Variants in PTPN14 observed in about 807,000 individuals in gnomAD.
PTPN14 encodes the protein protein tyrosine phosphatase non-receptor type 14.
A neutral mutation model predicts 126.8 loss-of-function variants in PTPN14; 53 were observed. The observed-to-expected ratio is 0.42, with a 90% CI of 0.34 to 0.53. The LOEUF (loss-of-function observed/expected upper bound fraction) is 0.53. Among genes scored for constraint, PTPN14 ranks in the 20% least tolerant of loss-of-function variants. The probability of loss-of-function intolerance (pLI) is 0.08; values close to 1 mark genes in which losing one functional copy is unlikely to be tolerated. For synonymous variants in PTPN14, 630 were observed against 599.3 expected (o/e 1.05, Z -0.75); for missense variants, 1,257 against 1,552.9 (o/e 0.81, Z 3.20).
intron 1 of PTPN14, among the ~76,000 whole-genome samples, chr1:214,466,414 C>T (rs1348042935): frequency 1.3e-5 from 2 of 152,044 alleles, no homozygotes; most frequent in African/African-American, 4.8e-5. Flanking sequence ...AATCTTGATG[C>T]AAAAGTCCTG....
chr1:214,502,484 CA>C (rs1294939684), intron 1 of PTPN14, among the ~76,000 whole-genome samples: 1 of 152,134 alleles, frequency 6.6e-6, no homozygotes, highest in African/African-American at 2.4e-5. Flanking sequence ...CAACACACAG[CA>C]GGTCTTGAAA....
At chr1:214,542,931 T>G (rs1486960320) in intron 1 of PTPN14, among the ~76,000 whole-genome samples, 1 of 152,116 alleles carries the variant, frequency 6.6e-6, no homozygotes, top group Non-Finnish European at 1.5e-5. Context: ...CCCGTTGACT[T>G]AGGAGCTAAA....
At chr1:214,533,832 G>A (rs1404817802) in intron 1 of PTPN14, among the ~76,000 whole-genome samples, 7 of 134,564 alleles carry the variant, frequency 5.2e-5, no homozygotes. Flanking sequence ...GTGAGACTCC[G>A]TCTCAAAAAA....
At chr1:214,440,534 G>A (rs768096743) in intron 3 of PTPN14, among the ~76,000 whole-genome samples, 1 of 152,172 alleles carries the variant, frequency 6.6e-6, no homozygotes, top group East Asian at 1.9e-4. Context: ...CTAGCCCTCC[G>A]GAGTGATCTT....
At chr1:214,543,356 C>G (rs1655889040) in intron 1 of PTPN14, among the ~76,000 whole-genome samples, 2 of 151,874 alleles carry the variant, frequency 1.3e-5, no homozygotes, top group East Asian at 3.9e-4. Context: ...TTTAAGTATC[C>G]AAGTATAGCA....
intron 3 of PTPN14, among the ~76,000 whole-genome samples, chr1:214,448,121 A>G (rs1660185889): frequency 6.6e-6 from 1 of 152,226 alleles, no homozygotes; most frequent in Non-Finnish European, 1.5e-5. Context: ...CAAACAATGC[A>G]GCATTAAGTT....
At chr1:214,549,875 TTC>T (rs1305812520) in intron 1 of PTPN14, among the ~76,000 whole-genome samples, 1 of 152,190 alleles carries the variant, frequency 6.6e-6, no homozygotes, top group African/African-American at 2.4e-5. Flanking sequence ...CTAGATTTAT[TTC>T]TGATATTGGG....
intron 1 of PTPN14, among the ~76,000 whole-genome samples, chr1:214,490,908 G>A (rs1381349157): frequency 0.054 from 895 of 16,540 alleles, 138 homozygotes; most frequent in African/African-American, 0.18. Context: ...GGAAGGGGAA[G>A]GAAGGGAAGG....
chr1:214,405,283 C>T (rs1429123730), intron 5 of PTPN14, among the ~76,000 whole-genome samples: 6 of 152,286 alleles, frequency 3.9e-5, no homozygotes, highest in Admixed American at 2.0e-4. Flanking sequence ...TGTCTCTTCT[C>T]GTATTCTGCC....
chr1:214,403,389 A>G (rs1349764045), intron 5 of PTPN14, among the ~76,000 whole-genome samples: 1 of 152,318 alleles, frequency 6.6e-6, no homozygotes, highest in Non-Finnish European at 1.5e-5. Context: ...TCTGTATACC[A>G]GGAAACGAAT....
chr1:214,407,767 C>G (rs1005442066), intron 5 of PTPN14, among the ~76,000 whole-genome samples: 1 of 152,160 alleles, frequency 6.6e-6, no homozygotes, highest in Non-Finnish European at 1.5e-5. Context: ...TCTTGTTTTT[C>G]TTTCACTAAC....
At position 214,383,158 on chromosome 1, in the gene PTPN14, A is replaced by C. The variant is rs1366793194; in HGVS notation, c.2544+153T>G. Among the ~76,000 whole-genome samples the C allele has an allele frequency of 1.3e-5, 2 of 152,224 alleles. No homozygotes were observed. The highest frequency in any genetic ancestry group is 2.9e-5 in the Non-Finnish European group (2 of 68,038). ...GGAAGATTTATCTGAAAGGGCAAAA[A>C]CTCAACATTTTGTGTAATAAAGTAC... On this transcript the variant is annotated intron_variant, in intron 13 of 18. Coordinates refer to ENST00000366956, the MANE Select transcript of PTPN14 (RefSeq NM_005401.5). This position sits in a 1 kb window ranked among gnomAD's most constrained non-coding sequence, Gnocchi z 4.4.
At chr1:214,430,161 C>T (rs1659766453) in intron 3 of PTPN14, among the ~76,000 whole-genome samples, 1 of 152,222 alleles carries the variant, frequency 6.6e-6, no homozygotes, top group Non-Finnish European at 1.5e-5. Flanking sequence ...TTCCTCCCCT[C>T]TTACATAATT....
chr1:214,486,610 G>T (rs914080933), intron 1 of PTPN14, among the ~76,000 whole-genome samples: 27 of 152,070 alleles, frequency 1.8e-4, no homozygotes, highest in African/African-American at 6.5e-4. Context: ...ACTACCCAGG[G>T]CCCAGAACAA....
At chr1:214,488,316 G>C (rs1409392086) in intron 1 of PTPN14, among the ~76,000 whole-genome samples, 1 of 152,054 alleles carries the variant, frequency 6.6e-6, no homozygotes, top group African/African-American at 2.4e-5. Flanking sequence ...ACCTTGTAGG[G>C]GCCAGGCACT....
intron 1 of PTPN14, among the ~76,000 whole-genome samples, chr1:214,514,450 G>T (rs1214152622): frequency 6.6e-6 from 1 of 152,172 alleles, no homozygotes; most frequent in Non-Finnish European, 1.5e-5. Flanking sequence ...ACTTAGAGCA[G>T]TCCTCTATGG....
At chr1:214,438,140 TAC>T (rs746374399) in intron 3 of PTPN14, among the ~76,000 whole-genome samples, 1 of 152,244 alleles carries the variant, frequency 6.6e-6, no homozygotes, top group Non-Finnish European at 1.5e-5. Context: ...CTTTTCAGAC[TAC>T]AGTCTCTTCA....
chr1:214,436,497 T>G (rs1444422446), intron 3 of PTPN14, among the ~76,000 whole-genome samples: 1 of 152,186 alleles, frequency 6.6e-6, no homozygotes, highest in East Asian at 1.9e-4. Context: ...TGTGAGATTT[T>G]TGGTTAAAGA....
At chr1:214,427,502 C>T (rs1659695709) in intron 3 of PTPN14, among the ~76,000 whole-genome samples, 1 of 151,990 alleles carries the variant, frequency 6.6e-6, no homozygotes, top group Non-Finnish European at 1.5e-5. Flanking sequence ...TATATACATA[C>T]ATATATTCCA....
Sources: allele counts gnomAD v4.1 joint callset (sites outside exome capture counted in the v4.1 genomes callset), GRCh38; gene constraint gnomAD v4.1.1; non-coding constraint Gnocchi (gnomAD v3.1); transcripts MANE v1.5; gene names NCBI Gene and HGNC (gene_info 2026-07-23, HGNC 2026-07-21).